The following LILRB1 variants were observed in gnomAD, a reference collection of about 807,000 sequenced individuals.
LILRB1 encodes the protein leukocyte immunoglobulin like receptor B1, also known as leukocyte immunoglobulin-like receptor subfamily B member 1.
LILRB1 carries 59 observed loss-of-function variants against 74.6 expected under a neutral mutation model. The ratio of observed to expected loss-of-function variants is 0.79; its 90% CI spans 0.64 to 0.98. The LOEUF (loss-of-function observed/expected upper bound fraction) is 0.98, where lower values mean the gene tolerates loss of function less well. Among genes scored for constraint, LILRB1 ranks in the 50% least tolerant of loss-of-function variants. LILRB1 has a pLI of 0.00. For missense variants in LILRB1, 804 were observed against 822.6 expected (o/e 0.98, Z 0.28); for synonymous variants, 328 against 333.9 (o/e 0.98, Z 0.19).
At chr19:54,626,360 TTTC>T (rs2063588629), upstream of LILRB1, among the ~76,000 whole-genome samples, 1 of 152,266 alleles carries the variant, frequency 6.6e-6, no homozygotes, top group Admixed American at 6.5e-5. Flanking sequence ...ACTCATGTTC[TTTC>T]TTCATTTCTG....
At chr19:54,624,170 G>C (rs2063521398) in intron 1 of LILRB1, among the ~76,000 whole-genome samples, 1 of 152,210 alleles carries the variant, frequency 6.6e-6, no homozygotes, top group Non-Finnish European at 1.5e-5. Context: ...CTTGCCCACA[G>C]ATATCCCAGT....
intron 1 of LILRB1, among the ~76,000 whole-genome samples, chr19:54,618,936 C>T (rs997678667): frequency 5.9e-5 from 9 of 152,118 alleles, no homozygotes; most frequent in Admixed American, 5.9e-4. Flanking sequence ...TATAAACAAA[C>T]TTGTCACATA....
At position 54,633,094 on chromosome 19, in the gene LILRB1, G is replaced by A. The variant is rs1231993235; in HGVS notation, c.1037G>A (p.Cys346Tyr). Residue 346 changes from cysteine to tyrosine, a missense_variant, in exon 7 of 15, where the codon TGT (cysteine) becomes TAT (tyrosine). Transcript: ENST00000324602. The stretch of plus-strand genomic sequence containing the variant: ...TCAGGAGAGAACGTGACCCTGCTGT[G>A]TCAGTCACAGGGATGGATGCAAACT... ...VASGENVTLL[C>Y]QSQGWMQTFL... 6.2e-7 allele frequency: 1 copy of A among 1,614,268 alleles called. No homozygotes were observed. Among genetic ancestry groups the A allele is most frequent in the Non-Finnish European group, 8.5e-7 (1 of 1,180,038 alleles).
chr19:54,631,596 A>T lies in LILRB1; in HGVS notation c.167A>T (p.Gln56Leu), dbSNP rs770103380. The T allele has an allele frequency of 6.2e-7, 1 of 1,614,264 alleles. No individual in the cohort carries two copies. Among genetic ancestry groups the T allele is most frequent in the Non-Finnish European group, 8.5e-7 (1 of 1,180,038 alleles). ...AGGTGTCAGGGGGGCCAGGAGACCC[A>T]GGAGTACCGTCTATATAGAGAAAAG... ...TLRCQGGQET[Q>L]EYRLYREKKT... The change falls in exon 4 of 15, where the codon CAG becomes CTG. Residue 56 changes from glutamine (Q) to leucine (L), a missense_variant. Physicochemically the swap from Gln to Leu is moderately radical, Grantham distance 113 (BLOSUM62 -2). Transcript: ENST00000324602.
chr19:54,625,627 G>A (rs1471524238), upstream of LILRB1, among the ~76,000 whole-genome samples: 17 of 151,894 alleles, frequency 1.1e-4, no homozygotes, highest in Non-Finnish European at 2.2e-4. Flanking sequence ...CCTTCCCCGT[G>A]TTAGGGAGCC....
chr19:54,636,072 A>G (rs2064384886), intron 13 of LILRB1: 1 of 543,108 alleles, frequency 1.8e-6, no homozygotes, highest in African/African-American at 1.9e-5. Context: ...CAGGAGTGCA[A>G]CGTGCTGTAA....
upstream of LILRB1, among the ~76,000 whole-genome samples, chr19:54,627,550 G>T (rs2063629383): frequency 6.6e-6 from 1 of 152,186 alleles, no homozygotes; most frequent in Non-Finnish European, 1.5e-5. Flanking sequence ...TTTATCACTA[G>T]ATATTCTTTA....
intron 1 of LILRB1, among the ~76,000 whole-genome samples, chr19:54,623,026 A>G (rs2063493978): frequency 6.6e-6 from 1 of 152,138 alleles, no homozygotes; most frequent in Non-Finnish European, 1.5e-5. Flanking sequence ...CTTGATCATG[A>G]TGAATTATGT....
intron 9 of LILRB1, chr19:54,634,402 G>C (rs1212744956): frequency 6.5e-7 from 1 of 1,535,014 alleles, no homozygotes; most frequent in Non-Finnish European, 8.8e-7. Flanking sequence ...AAGGGCTGCA[G>C]GTCAGACTCC....
Position 54,636,842 on chromosome 19 carries a change from T to C in LILRB1, c.1923T>C (p.Ala641=), listed in dbSNP as rs769063443. The C allele has an allele frequency of 1.9e-6, 3 of 1,613,606 alleles. No individual in the cohort carries two copies. In the Admixed American group the frequency reaches 5.0e-5, roughly 27 times the overall value. ...CATCCCAGGAAGGGCCCTCTCCAGC[T>C]GTGCCCAGCATCTACGCCACTCTGG... ...PPPSQEGPSP[A]VPSIYATLAI... The change falls in exon 15 of 15, where the codon GCT becomes GCC. Residue 641 remains alanine (A), a synonymous_variant. Coordinates refer to ENST00000324602, the MANE Select transcript of LILRB1 (RefSeq NM_001081637.3).
At chr19:54,617,908 C>T (rs990278913) in intron 1 of LILRB1, among the ~76,000 whole-genome samples, 2 of 151,772 alleles carry the variant, frequency 1.3e-5, no homozygotes, top group African/African-American at 2.4e-5. Flanking sequence ...TCAAGACCAG[C>T]CTGGCCAACA....
At chr19:54,616,535 G>A (rs1244003786), upstream of LILRB1, among the ~76,000 whole-genome samples, 3 of 152,204 alleles carry the variant, frequency 2.0e-5, no homozygotes, top group Non-Finnish European at 2.9e-5. Context: ...AGGATTTTGA[G>A]CTTCTTCTCT....
chr19:54,636,392 C>A, intron 13 of LILRB1, 102 bp from the exon 14 acceptor site: 4 of 1,550,264 alleles, frequency 2.6e-6, no homozygotes, highest in Non-Finnish European at 3.5e-6. Flanking sequence ...GAGATTCCAT[C>A]GGGAAAGGGA....
At position 54,632,034 on chromosome 19, in the gene LILRB1, G is replaced by T; in HGVS notation, c.458G>T (p.Gly153Val). 6.2e-7 allele frequency: 1 copy of T among 1,614,226 alleles called. No individual in the cohort carries two copies. Among genetic ancestry groups the T allele is most frequent in the African/African-American group, 1.3e-5 (1 of 75,084 alleles). The change falls in exon 5 of 15, where the codon GGC becomes GTC. Residue 153 changes from glycine to valine, a missense_variant. Transcript: ENST00000324602. ...LQCDSQVAFD[G>V]FILCKEGEDE... Reference sequence around the variant, plus strand: ...TGTGACTCACAGGTGGCATTTGATGGCTTCATTCTGTGTAAGGAAGGAGAA... The same window carrying T: ...TGTGACTCACAGGTGGCATTTGATGTCTTCATTCTGTGTAAGGAAGGAGAA...
At position 54,638,001 on chromosome 19, in the gene LILRB1, A is replaced by G. The variant is rs2064567573; in HGVS notation, c.*1123A>G. 6.6e-6 allele frequency among the ~76,000 whole-genome samples: 1 copy of G among 152,146 alleles called. No individual in the cohort carries two copies. The highest frequency in any genetic ancestry group is 6.5e-5 in the Admixed American group (1 of 15,276). On this transcript the variant is annotated 3_prime_UTR_variant, in exon 15 of 15. Coordinates refer to ENST00000324602, the MANE Select transcript of LILRB1 (RefSeq NM_001081637.3). ...TGTGTGTGTGAAAAACATTGACTATAATAAAAATAATCTCGAGTTCACGAA... is the reference window on the plus strand; with the variant it reads ...TGTGTGTGTGAAAAACATTGACTATGATAAAAATAATCTCGAGTTCACGAA...
chr19:54,620,351 C>T (rs929452931), intron 1 of LILRB1, among the ~76,000 whole-genome samples: 1 of 152,032 alleles, frequency 6.6e-6, no homozygotes, highest in African/African-American at 2.4e-5. Context: ...ACTTTAAGGG[C>T]CAAATTCTTA....
rs1475888114 is a variant in LILRB1, at chr19:54,634,637, C to G, written c.1364-4C>G. On this transcript the variant is annotated splice_polypyrimidine_tract_variant and splice_region_variant and intron_variant, in intron 9 of 14. Transcript: ENST00000324602. ...CCCCCATCCCTGACATCATCGTGCT[C>G]AAGGTCTGGGAAGGCACCTGGGGGT... 1.2e-6 allele frequency: 2 copies of G among 1,612,018 alleles called. No homozygotes were observed. Among genetic ancestry groups the G allele is most frequent in the African/African-American group, 1.3e-5 (1 of 74,762 alleles).
At chr19:54,630,730 C>A in intron 1 of LILRB1, 97 bp downstream of exon 1, 2 of 613,526 alleles carry the variant, frequency 3.3e-6, no homozygotes, top group South Asian at 3.9e-5. Flanking sequence ...CCGCTACCCT[C>A]GTCAGGAAGG....
upstream of LILRB1, among the ~76,000 whole-genome samples, chr19:54,628,511 G>A (rs2063658434): frequency 6.6e-6 from 1 of 152,130 alleles, no homozygotes. Flanking sequence ...CTTTGGGTTT[G>A]ATTAATTTGC....
Sources: gnomAD v4.1 joint callset for allele counts (sites outside exome capture counted in the v4.1 genomes callset) on GRCh38, gnomAD v4.1.1 for gene constraint, MANE v1.5 for transcripts, NCBI Gene and HGNC (gene_info 2026-07-23, HGNC 2026-07-21) for gene names.